Variants in SLIT1 observed in about 807,000 individuals in gnomAD.
SLIT1 encodes the protein slit guidance ligand 1.
In SLIT1, 66 loss-of-function variants were observed where a neutral mutation model predicts 186.1. That is an observed-to-expected ratio of 0.35 (90% CI 0.29 to 0.44). The LOEUF (loss-of-function observed/expected upper bound fraction) is 0.44. Among genes scored for constraint, SLIT1 ranks in the 20% least tolerant of loss-of-function variants. The pLI is 1.00. For missense variants in SLIT1, 1,638 were observed against 2,037.4 expected, an observed-to-expected ratio of 0.80 and a Z score of 3.77; for synonymous variants, 761 against 833.8, an observed-to-expected ratio of 0.91 and a Z score of 1.50.
chr10:97,093,745 C>T (rs193265916), intron 4 of SLIT1, among the ~76,000 whole-genome samples: 5 of 152,340 alleles, frequency 3.3e-5, no homozygotes, highest in African/African-American at 4.8e-5. Context: ...CCAATTCCAG[C>T]GGGCACAGAA....
At chr10:97,015,756 G>A (rs1337919376) in intron 28 of SLIT1, among the ~76,000 whole-genome samples, 1 of 152,156 alleles carries the variant, frequency 6.6e-6, no homozygotes, top group African/African-American at 2.4e-5. Context: ...ATAACTCGCT[G>A]CAAAAGAAAC....
At chr10:97,098,094 A>G (rs182211364) in intron 4 of SLIT1, among the ~76,000 whole-genome samples, 5 of 152,290 alleles carry the variant, frequency 3.3e-5, no homozygotes, top group African/African-American at 1.2e-4. Context: ...TTGAACCATC[A>G]TAGCTGGAAC....
chr10:97,055,822 C>T (rs1848831392), intron 13 of SLIT1, among the ~76,000 whole-genome samples: 6 of 152,190 alleles, frequency 3.9e-5, no homozygotes, highest in Admixed American at 2.6e-4. Context: ...AGAGGCACTA[C>T]TATTTTTTGT....
In SLIT1 at chr10:97,004,883, C is replaced by T. The variant is rs959730761; in HGVS notation, c.3580-60G>A. 13 of 1,601,566 alleles carry T rather than the reference C, an allele frequency of 8.1e-6. 1 individual carries two copies. In the African/African-American group the frequency reaches 1.7e-4, roughly 21 times the overall value. On this transcript the variant is annotated intron_variant, in intron 32 of 36. Transcript: ENST00000266058. This position sits in a 1 kb window ranked among gnomAD's most constrained non-coding sequence, Gnocchi z 5.1. ...CCCATGCAGCAGCGGCACAGGCTAG[C>T]AGATGGGGCAGAGAGGGCACCCAAG...
intron 4 of SLIT1, among the ~76,000 whole-genome samples, chr10:97,121,681 T>G (rs904078258): frequency 6.6e-6 from 1 of 152,188 alleles, no homozygotes; most frequent in Non-Finnish European, 1.5e-5. Context: ...GCCCACCCCT[T>G]GCCTTCTTGC....
intron 8 of SLIT1, among the ~76,000 whole-genome samples, chr10:97,062,907 ACAGAACCC>A (rs1848906340): frequency 6.6e-6 from 1 of 152,208 alleles, no homozygotes; most frequent in Non-Finnish European, 1.5e-5. Context: ...GGAGGCTATG[ACAGAACCC>A]CAGGGGGAAG....
chr10:97,162,993 T>G (rs1189479369), intron 3 of SLIT1, among the ~76,000 whole-genome samples: 2 of 152,216 alleles, frequency 1.3e-5, no homozygotes, highest in African/African-American at 2.4e-5. Flanking sequence ...CCCCCGGGGC[T>G]TCCCTGACAG....
In SLIT1 at chr10:97,016,865, G is replaced by T. The variant is rs575725274; in HGVS notation, c.2969+1721C>A. Reference sequence around the variant, plus strand: ...AAATCACCATTGCAGGAAATGGTCTGTGGTTAACTGTTTTCCCTGAAGGCT... The same window carrying T: ...AAATCACCATTGCAGGAAATGGTCTTTGGTTAACTGTTTTCCCTGAAGGCT... On this transcript the variant is annotated intron_variant, in intron 28 of 36. Transcript: ENST00000266058. Among the ~76,000 whole-genome samples the T allele has an allele frequency of 2.0e-5, 3 of 152,308 alleles. No individual in the cohort carries two copies. The East Asian group carries it at 5.8e-4, about 29-fold the overall frequency.
intron 13 of SLIT1, among the ~76,000 whole-genome samples, chr10:97,055,652 G>A (rs1848830109): frequency 6.6e-6 from 1 of 152,156 alleles, no homozygotes; most frequent in Non-Finnish European, 1.5e-5. Flanking sequence ...TTAGAGGCAT[G>A]AGCCACCATG....
intron 26 of SLIT1, among the ~76,000 whole-genome samples, chr10:97,020,264 CGCCCA>C (rs1163663415): frequency 1.3e-5 from 2 of 152,074 alleles, no homozygotes; most frequent in Admixed American, 1.3e-4. Context: ...TGAGCCACCA[CGCCCA>C]GCTGGGGTTC....
chr10:97,178,105 C>CG (rs1850280855), intron 1 of SLIT1, among the ~76,000 whole-genome samples: 2 of 152,098 alleles, frequency 1.3e-5, no homozygotes, highest in Admixed American at 1.3e-4. Flanking sequence ...TGCTAAAACT[C>CG]GGGGGATGAA....
At chr10:97,090,678 G>C (rs1318192736) in intron 4 of SLIT1, among the ~76,000 whole-genome samples, 1 of 152,220 alleles carries the variant, frequency 6.6e-6, no homozygotes, top group African/African-American at 2.4e-5. Context: ...ACTGAGCGCT[G>C]CCACAGGGTG....
intron 1 of SLIT1, among the ~76,000 whole-genome samples, chr10:97,172,652 A>T (rs771108038): frequency 1.3e-5 from 2 of 152,108 alleles, no homozygotes; most frequent in Non-Finnish European, 2.9e-5. Context: ...GTGCTGGCTC[A>T]CTCCTATAAT....
In SLIT1 at chr10:97,022,601, C is replaced by T. The variant is rs756519986; in HGVS notation, c.2583-1188G>A. Among the ~76,000 whole-genome samples the T allele has an allele frequency of 1.8e-4, 28 of 152,212 alleles. No homozygotes were observed. The highest frequency in any genetic ancestry group is 3.4e-3 in the Middle Eastern group (1 of 294). On this transcript the variant is annotated intron_variant, in intron 25 of 36. Coordinates refer to ENST00000266058, the MANE Select transcript of SLIT1 (RefSeq NM_003061.3). This position sits in a 1 kb window ranked among gnomAD's most constrained non-coding sequence, Gnocchi z 4.2. Reference sequence around the variant, plus strand: ...TTCTGATCCAGCCATTGTTTCTGGGCGTTTACCTGTAGGCACACATAAAGA... The same window carrying T: ...TTCTGATCCAGCCATTGTTTCTGGGTGTTTACCTGTAGGCACACATAAAGA...
At chr10:97,164,774 G>C in intron 2 of SLIT1, 45 bp downstream of exon 2, 1 of 1,427,968 alleles carries the variant, frequency 7.0e-7, no homozygotes, top group Non-Finnish European at 9.9e-7. Flanking sequence ...CAGGACTGCC[G>C]TGGCATTGCC....
intron 25 of SLIT1, among the ~76,000 whole-genome samples, chr10:97,030,442 A>G (rs1848580979): frequency 6.6e-6 from 1 of 152,178 alleles, no homozygotes; most frequent in Non-Finnish European, 1.5e-5. Context: ...GGTGTGAAAG[A>G]TGAGAACCAC....
intron 4 of SLIT1, among the ~76,000 whole-genome samples, chr10:97,093,955 G>A (rs1849259805): frequency 6.6e-6 from 1 of 152,202 alleles, no homozygotes; most frequent in Admixed American, 6.5e-5. Flanking sequence ...GGAGAATTAG[G>A]ACACAAACAA....
intron 4 of SLIT1, among the ~76,000 whole-genome samples, chr10:97,114,131 C>G (rs937124421): frequency 2.6e-5 from 4 of 152,182 alleles, no homozygotes; most frequent in African/African-American, 9.7e-5. Context: ...CTGACCACGT[C>G]ACAGTGTAAC....
rs1223167015 is a variant in SLIT1, at chr10:97,013,774, T to C, written c.3170A>G (p.Glu1057Gly). Reference protein sequence around the residue: ...CSPDLNPCQHEAQCVGTPDGP... With the variant: ...CSPDLNPCQHGAQCVGTPDGP... ...ATCCGGGGTGCCCACACACTGGGCC[T>C]CGTGTTGACATGGGTTCAGATCCGG... The change falls in exon 30 of 37, where the codon GAG becomes GGG. Residue 1057 changes from glutamate (E) to glycine (G), a missense_variant. Glu to Gly is a moderately conservative substitution (Grantham distance 98, BLOSUM62 -2). Coordinates refer to ENST00000266058, the MANE Select transcript of SLIT1 (RefSeq NM_003061.3). 6.4e-7 allele frequency: 1 copy of C among 1,551,582 alleles called. No individual in the cohort carries two copies. Among genetic ancestry groups the C allele is most frequent in the South Asian group, 1.2e-5 (1 of 84,058 alleles).
Sources: gnomAD v4.1 joint callset for allele counts (sites outside exome capture counted in the v4.1 genomes callset) on GRCh38, gnomAD v4.1.1 for gene constraint, Gnocchi (gnomAD v3.1) non-coding constraint, MANE v1.5 for transcripts, NCBI Gene and HGNC (gene_info 2026-07-23, HGNC 2026-07-21) for gene names.